The following BLTP1 variants were observed in gnomAD, a reference collection of about 807,000 sequenced individuals.
The protein encoded by BLTP1 is fragile site-associated protein.
At chr4:122,323,151 T>C in the BLTP1 span, among the ~76,000 whole-genome samples, 1 of 152,128 alleles carries the variant, frequency 6.6e-6, no homozygotes, top group Non-Finnish European at 1.5e-5. Context: ...TGTTGGTTCC[T>C]GCAGCAGTTT....
chr4:122,283,365 A>T, the BLTP1 span, among the ~76,000 whole-genome samples: 1 of 151,980 alleles, frequency 6.6e-6, no homozygotes, highest in Non-Finnish European at 1.5e-5. Context: ...GTCACATCTT[A>T]AGTGTTATTT....
At chr4:122,295,281 C>T in the BLTP1 span, among the ~76,000 whole-genome samples, 7 of 151,584 alleles carry the variant, frequency 4.6e-5, no homozygotes, top group African/African-American at 7.3e-5. Flanking sequence ...AGACACTCCA[C>T]GAGAAGATCA....
chr4:122,187,340 A>C, the BLTP1 span: 2 of 1,536,466 alleles, frequency 1.3e-6, no homozygotes, highest in Non-Finnish European at 1.7e-6. Context: ...GGTAAACTGA[A>C]ACTGTGAGGT....
At chr4:122,208,621 G>A in the BLTP1 span, 1 of 983,500 alleles carries the variant, frequency 1.0e-6, no homozygotes, top group Non-Finnish European at 1.2e-6. Context: ...GATACCCATG[G>A]AAGACATTCT....
At chr4:122,301,882 C>T in the BLTP1 span, among the ~76,000 whole-genome samples, 2 of 151,892 alleles carry the variant, frequency 1.3e-5, no homozygotes, top group Non-Finnish European at 2.9e-5. Context: ...GGCAACATAG[C>T]GAGACTTTGT....
the BLTP1 span, chr4:122,200,077 A>G: frequency 6.3e-6 from 6 of 956,626 alleles, no homozygotes; most frequent in Non-Finnish European, 7.5e-6. Context: ...ATGGTGCCAT[A>G]AGGTTCTTAA....
the BLTP1 span, chr4:122,201,125 A>G: frequency 6.2e-7 from 1 of 1,606,462 alleles, no homozygotes; most frequent in Non-Finnish European, 8.5e-7. Context: ...ACTTCTTTAC[A>G]GGTAATTTTC....
At chr4:122,157,155 A>C in the BLTP1 span, among the ~76,000 whole-genome samples, 1 of 152,200 alleles carries the variant, frequency 6.6e-6, no homozygotes. Context: ...TACCCTTCTC[A>C]TACTTTGTAT....
chr4:122,272,155 T>C, the BLTP1 span: 1 of 1,610,340 alleles, frequency 6.2e-7, no homozygotes, highest in Non-Finnish European at 8.5e-7. Context: ...CATTTACTTA[T>C]AAAGGAGTTC....
At chr4:122,321,979 ATTTTTTTTTTTTTTTTT>A in the BLTP1 span, among the ~76,000 whole-genome samples, 5 of 27,018 alleles carry the variant, frequency 1.9e-4, no homozygotes, top group Admixed American at 5.3e-4. Context: ...ACTACATGTA[ATTTTTTTTTTTTTTTTT>A]TTTTTTTTTT....
At chr4:122,348,546 A>G in the BLTP1 span, 1 of 1,568,750 alleles carries the variant, frequency 6.4e-7, no homozygotes, top group African/African-American at 1.4e-5. Context: ...ATGAACATGT[A>G]TTTGATTTTT....
At chr4:122,161,800 G>A in the BLTP1 span, among the ~76,000 whole-genome samples, 9 of 152,194 alleles carry the variant, frequency 5.9e-5, no homozygotes, top group African/African-American at 1.9e-4. Flanking sequence ...AGAAATACTT[G>A]CCTATCTTTG....
the BLTP1 span, chr4:122,276,750 G>T: frequency 1.0e-6 from 1 of 960,636 alleles, no homozygotes; most frequent in Non-Finnish European, 1.2e-6. Context: ...ACCCTCTGGT[G>T]ATCATCTCTG....
At chr4:122,162,658 T>G in the BLTP1 span, 4 of 984,978 alleles carry the variant, frequency 4.1e-6, 1 homozygote, top group Non-Finnish European at 4.8e-6. Flanking sequence ...CTAGCTGTTA[T>G]TAACACAAAT....
At chr4:122,221,890 A>T in the BLTP1 span, 15 of 984,158 alleles carry the variant, frequency 1.5e-5, no homozygotes, top group East Asian at 1.7e-3. Flanking sequence ...TAGCCCTTCA[A>T]CTTTTAATCA....
chr4:122,221,660 T>A, the BLTP1 span: 1 of 228,958 alleles, frequency 4.4e-6, no homozygotes. Context: ...TATTTTAACT[T>A]GCCATATTAA....
chr4:122,265,973 C>T, the BLTP1 span, among the ~76,000 whole-genome samples: 3 of 152,218 alleles, frequency 2.0e-5, no homozygotes, highest in African/African-American at 7.2e-5. Flanking sequence ...GGATTACAGG[C>T]ATGAGCCACC....
the BLTP1 span, among the ~76,000 whole-genome samples, chr4:122,335,619 T>C: frequency 2.6e-5 from 4 of 152,148 alleles, no homozygotes; most frequent in Admixed American, 2.6e-4. Context: ...ACCCCTTTTA[T>C]AAAGGAAAGT....
the BLTP1 span, chr4:122,229,266 GT>G: frequency 6.4e-7 from 1 of 1,552,578 alleles, no homozygotes; most frequent in African/African-American, 1.4e-5. Context: ...GGCTGGTGTA[GT>G]GCTTTTTCGT....
Sources: gnomAD v4.1 joint callset for allele counts (sites outside exome capture counted in the v4.1 genomes callset) on GRCh38, gnomAD v4.1.1 for gene constraint, MANE v1.5 for transcripts, NCBI Gene and HGNC (gene_info 2026-07-23, HGNC 2026-07-21) for gene names.